GARIN1B: variants seen among roughly 807,000 people sequenced by gnomAD.
The protein encoded by GARIN1B is Golgi-associated RAB2 interactor protein 1B.
the GARIN1B span, among the ~76,000 whole-genome samples, chr7:128,710,816 G>A: frequency 6.6e-6 from 1 of 151,834 alleles, no homozygotes; most frequent in Non-Finnish European, 1.5e-5. Flanking sequence ...ACCACGCCCA[G>A]CTAATTTTGT....
At chr7:128,727,392 C>T in the GARIN1B span, among the ~76,000 whole-genome samples, 2 of 152,198 alleles carry the variant, frequency 1.3e-5, no homozygotes, top group African/African-American at 4.8e-5. Context: ...CTCATTCCTG[C>T]CAGGAAGCTT....
chr7:128,716,544 A>G, the GARIN1B span, among the ~76,000 whole-genome samples: 6 of 152,166 alleles, frequency 3.9e-5, no homozygotes, highest in African/African-American at 1.2e-4. Context: ...ATCAACAAGA[A>G]TTGATTTTTG....
chr7:128,725,084 C>A, the GARIN1B span: 1 of 240,948 alleles, frequency 4.2e-6, no homozygotes, highest in Non-Finnish European at 8.3e-6. Context: ...TAAGTAAGCT[C>A]TCAATAAGTA....
the GARIN1B span, among the ~76,000 whole-genome samples, chr7:128,709,743 T>G: frequency 5.2e-5 from 1 of 19,074 alleles, no homozygotes; most frequent in African/African-American, 1.2e-4. Context: ...TCTCTCTCTC[T>G]CTCTCTCTTT....
chr7:128,720,513 A>G, the GARIN1B span, among the ~76,000 whole-genome samples: 2,906 of 152,246 alleles, frequency 0.019, 45 homozygotes, highest in South Asian at 0.051. Flanking sequence ...CAGGTTTTCT[A>G]TGCATACCTA....
the GARIN1B span, among the ~76,000 whole-genome samples, chr7:128,722,296 G>A: frequency 1.3e-5 from 2 of 152,144 alleles, no homozygotes. Context: ...CTCCATGAAG[G>A]CAGGGGTTTC....
the GARIN1B span, among the ~76,000 whole-genome samples, chr7:128,710,017 A>G: frequency 3.9e-5 from 6 of 152,028 alleles, no homozygotes; most frequent in Non-Finnish European, 7.4e-5. Flanking sequence ...TCCTGGGTTC[A>G]AGCAATTCTC....
chr7:128,714,105 C>T, the GARIN1B span: 1 of 1,535,896 alleles, frequency 6.5e-7, no homozygotes, highest in South Asian at 1.2e-5. Context: ...TCTGAATGAC[C>T]AGAGGGAAGG....
At chr7:128,722,296 G>T in the GARIN1B span, among the ~76,000 whole-genome samples, 2 of 152,146 alleles carry the variant, frequency 1.3e-5, 1 homozygote, top group Non-Finnish European at 2.9e-5. Flanking sequence ...CTCCATGAAG[G>T]CAGGGGTTTC....
At chr7:128,715,748 T>C in the GARIN1B span, 1 of 1,429,816 alleles carries the variant, frequency 7.0e-7, no homozygotes, top group Admixed American at 1.7e-5. Flanking sequence ...GTTCCCAAGA[T>C]ATGACTGAGA....
chr7:128,712,925 C>G, the GARIN1B span, among the ~76,000 whole-genome samples: 1 of 152,188 alleles, frequency 6.6e-6, no homozygotes, highest in African/African-American at 2.4e-5. Context: ...GTCACATGGT[C>G]TTACCTAGCT....
the GARIN1B span, chr7:128,718,827 T>C: frequency 6.2e-7 from 1 of 1,612,512 alleles, no homozygotes; most frequent in East Asian, 2.2e-5. Flanking sequence ...CCTGGTGGCT[T>C]CAGGATTCTC....
At chr7:128,715,067 CAG>C in the GARIN1B span, among the ~76,000 whole-genome samples, 1 of 152,166 alleles carries the variant, frequency 6.6e-6, no homozygotes, top group Admixed American at 6.6e-5. Flanking sequence ...AGGTTGCATT[CAG>C]AGTAAGGAAG....
the GARIN1B span, chr7:128,716,704 A>AG: frequency 2.2e-6 from 2 of 929,038 alleles, no homozygotes; most frequent in Non-Finnish European, 3.2e-6. Context: ...CCCTCAACAA[A>AG]GAATATCCAA....
the GARIN1B span, chr7:128,715,115 G>C: frequency 3.8e-6 from 1 of 264,720 alleles, no homozygotes; most frequent in East Asian, 1.8e-4. Context: ...CCTCTTAGCA[G>C]TGGAAGGATC....
At chr7:128,716,575 T>G in the GARIN1B span, among the ~76,000 whole-genome samples, 1 of 152,144 alleles carries the variant, frequency 6.6e-6, no homozygotes, top group Non-Finnish European at 1.5e-5. Context: ...CCAGGGAACA[T>G]TTGACGATGT....
chr7:128,713,519 C>A, the GARIN1B span, among the ~76,000 whole-genome samples: 1 of 152,164 alleles, frequency 6.6e-6, no homozygotes, highest in African/African-American at 2.4e-5. Flanking sequence ...GATCACAGCT[C>A]ACTGTAGCCT....
chr7:128,727,564 G>A, the GARIN1B span, among the ~76,000 whole-genome samples: 1 of 152,140 alleles, frequency 6.6e-6, no homozygotes, highest in African/African-American at 2.4e-5. Flanking sequence ...CCAGGTTCTA[G>A]TTCACCCCAA....
the GARIN1B span, chr7:128,719,095 C>T: frequency 1.9e-6 from 3 of 1,610,718 alleles, no homozygotes; most frequent in Non-Finnish European, 2.5e-6. Context: ...TAAGTGAGCA[C>T]CATTGCCACC....
Sources: allele counts gnomAD v4.1 joint callset (sites outside exome capture counted in the v4.1 genomes callset), GRCh38; gene constraint gnomAD v4.1.1; transcripts MANE v1.5; gene names NCBI Gene and HGNC (gene_info 2026-07-23, HGNC 2026-07-21).